Variants in COX7A2L observed in about 807,000 individuals in gnomAD.
COX7A2L encodes cytochrome c oxidase subunit 7A2 like.
In COX7A2L, 18 loss-of-function variants were observed where a neutral mutation model predicts 14.2. That is an observed-to-expected ratio of 1.27 (90% confidence interval 0.88 to 1.88). The LOEUF is 1.88. Ranked by LOEUF, COX7A2L falls within the 40% of genes most tolerant of loss-of-function variation. The pLI, the probability that COX7A2L is intolerant of heterozygous loss-of-function variation, is 0.00. For missense variants in COX7A2L, 179 were observed against 138.8 expected (o/e 1.29, Z -1.46); for synonymous variants, 65 against 57.4 (o/e 1.13, Z -0.60).
At chr2:42,343,932 T>A (rs538468477) in intron 2 of COX7A2L, among the ~76,000 whole-genome samples, 1 of 152,228 alleles carries the variant, frequency 6.6e-6, no homozygotes, top group East Asian at 1.9e-4. Flanking sequence ...AAAGTCACAC[T>A]GGATGAAGGG....
intron 2 of COX7A2L, among the ~76,000 whole-genome samples, chr2:42,337,478 T>C (rs1409897734): frequency 1.3e-5 from 2 of 152,034 alleles, no homozygotes; most frequent in African/African-American, 4.8e-5. Context: ...GGGAGGCAAC[T>C]ACAAAGGGGT....
chr2:42,361,226 TC>T, upstream of COX7A2L: 1 of 1,465,336 alleles, frequency 6.8e-7, no homozygotes, highest in Non-Finnish European at 9.3e-7. Flanking sequence ...GGACCCCGCC[TC>T]CCCGGCTGTG....
At chr2:42,351,451 G>T in intron 2 of COX7A2L, 92 bp from the exon 3 acceptor site, 1 of 1,432,650 alleles carries the variant, frequency 7.0e-7, no homozygotes, top group Non-Finnish European at 9.6e-7. Context: ...TACTCGGTAA[G>T]TAATTCATCA....
chr2:42,361,307 T>G (rs1671043870), upstream of COX7A2L: 14 of 717,032 alleles, frequency 2.0e-5, 1 homozygote, highest in South Asian at 2.7e-4. Flanking sequence ...ACTTAAAACC[T>G]GCACACTTAA....
Position 42,342,300 on chromosome 2 carries a change from T to C in COX7A2L, c.193-8431A>G, listed in dbSNP as rs113934490. Among the ~76,000 whole-genome samples, 665 of 151,996 alleles carry C rather than the reference T, an allele frequency of 4.4e-3. 6 individuals carry two copies. Among genetic ancestry groups the C allele is most frequent in the African/African-American group, 0.014 (595 of 41,464 alleles). Reference sequence around the variant, plus strand: ...TAGCTGCCCTTCCCTGCTCTCTCCCTCTCCCTAGGAGAGCTGAGACGAGGG... The same window carrying C: ...TAGCTGCCCTTCCCTGCTCTCTCCCCCTCCCTAGGAGAGCTGAGACGAGGG... On this transcript the variant is annotated intron_variant, in intron 2 of 2. Transcript: ENST00000468711. The surrounding 1 kb of genome is among the most constrained non-coding windows in gnomAD (Gnocchi z 4.9).
In COX7A2L at chr2:42,351,049, A is replaced by T. The variant is rs1457606262; in HGVS notation, c.*170T>A. 2 of 669,252 alleles carry T rather than the reference A, an allele frequency of 3.0e-6. No homozygotes were observed. Among genetic ancestry groups the T allele is most frequent in the East Asian group, 5.8e-5 (2 of 34,316 alleles). The allele number at this position is 669,252 out of a possible 1,614,324, so 41.5% of individuals were successfully genotyped here. On this transcript the variant is annotated 3_prime_UTR_variant, in exon 3 of 3. Coordinates refer to ENST00000234301, the MANE Select transcript of COX7A2L (RefSeq NM_004718.4). ...GGCTTTAACTGTCGAATGAGCTCTG[A>T]CAAGCCATATGCATTTCATAAACAA...
chr2:42,351,032 C>G lies in COX7A2L; in HGVS notation c.*187G>C. The stretch of plus-strand genomic sequence containing the variant: ...CCATTTCTTTAAACAATGGCTTTAA[C>G]TGTCGAATGAGCTCTGACAAGCCAT... On this transcript the variant is annotated 3_prime_UTR_variant, in exon 3 of 3. Coordinates refer to ENST00000234301, the MANE Select transcript of COX7A2L (RefSeq NM_004718.4). 3.5e-6 allele frequency: 2 copies of G among 574,900 alleles called. No homozygotes were observed. The highest frequency in any genetic ancestry group is 5.8e-5 in the South Asian group (2 of 34,582). 35.6% of individuals were successfully genotyped at this position (574,900 alleles called of 1,614,324 possible).
chr2:42,356,275 C>A (rs990418401), intron 1 of COX7A2L, among the ~76,000 whole-genome samples: 1 of 152,174 alleles, frequency 6.6e-6, no homozygotes, highest in African/African-American at 2.4e-5. Flanking sequence ...TGCATGTCCT[C>A]CCCCTTGCCC....
chr2:42,355,714 G>GTTT (rs1254293234), intron 1 of COX7A2L, among the ~76,000 whole-genome samples: 3 of 82,862 alleles, frequency 3.6e-5, no homozygotes, highest in African/African-American at 9.9e-5. Context: ...AAAATCCTAC[G>GTTT]TTCTTTTTTT....
At chr2:42,365,225 G>A (rs151272626), upstream of COX7A2L, among the ~76,000 whole-genome samples, 4 of 152,150 alleles carry the variant, frequency 2.6e-5, no homozygotes, top group African/African-American at 9.7e-5. Flanking sequence ...GACGGGTGGT[G>A]GTTTCTCATC....
chr2:42,359,314 G>C (rs1572799929), intron 1 of COX7A2L: 1 of 152,208 alleles, frequency 6.6e-6, no homozygotes. Context: ...GATGATAAAA[G>C]TCAGAATAAG....
chr2:42,335,871 GGGGGATTATGC>G (rs1670260227), intron 2 of COX7A2L, among the ~76,000 whole-genome samples: 2 of 152,338 alleles, frequency 1.3e-5, no homozygotes, highest in South Asian at 4.1e-4. Context: ...AGAGGTGAAG[GGGGGATTATGC>G]ACAAATCCTT....
intron 2 of COX7A2L, among the ~76,000 whole-genome samples, chr2:42,340,757 G>GC (rs1262568732): frequency 6.6e-6 from 1 of 152,034 alleles, no homozygotes; most frequent in Non-Finnish European, 1.5e-5. Context: ...CCTTCCCGGG[G>GC]CCTGGCCCTG....
At chr2:42,352,444 G>T (rs1670678089) in intron 2 of COX7A2L, among the ~76,000 whole-genome samples, 1 of 152,050 alleles carries the variant, frequency 6.6e-6, no homozygotes, top group South Asian at 2.1e-4. Context: ...CACCACACCT[G>T]GCCTGTTTAA....
At chr2:42,365,299 T>C (rs1169822041), upstream of COX7A2L, among the ~76,000 whole-genome samples, 1 of 152,178 alleles carries the variant, frequency 6.6e-6, no homozygotes, top group Non-Finnish European at 1.5e-5. Flanking sequence ...ACAGTGAGCA[T>C]ACATGAGTTC....
At chr2:42,360,300 C>T (rs780844541) in intron 1 of COX7A2L, among the ~76,000 whole-genome samples, 6 of 152,174 alleles carry the variant, frequency 3.9e-5, no homozygotes, top group Admixed American at 3.9e-4. Flanking sequence ...TTAATGTGTA[C>T]TAACGCCGCC....
chr2:42,347,541 A>C (rs1670522691), downstream of COX7A2L, among the ~76,000 whole-genome samples: 1 of 152,232 alleles, frequency 6.6e-6, no homozygotes, highest in African/African-American at 2.4e-5. Flanking sequence ...AATCCAATAT[A>C]GAAAAATGAG....
At chr2:42,362,135 AAC>A (rs1290859654), upstream of COX7A2L, among the ~76,000 whole-genome samples, 3 of 152,208 alleles carry the variant, frequency 2.0e-5, no homozygotes, top group African/African-American at 7.2e-5. Context: ...GGTGATCAGA[AAC>A]ACTTGTAAAA....
At chr2:42,345,360 G>C (rs187465041), downstream of COX7A2L, among the ~76,000 whole-genome samples, 6 of 152,214 alleles carry the variant, frequency 3.9e-5, no homozygotes, top group African/African-American at 1.4e-4. Context: ...TCCAGCCTGG[G>C]TGACAAAAGC....
Sources: allele counts gnomAD v4.1 joint callset (sites outside exome capture counted in the v4.1 genomes callset), GRCh38; gene constraint gnomAD v4.1.1; non-coding constraint Gnocchi (gnomAD v3.1); transcripts MANE v1.5; gene names NCBI Gene and HGNC (gene_info 2026-07-23, HGNC 2026-07-21).